Variants in SLAIN1 observed in about 807,000 individuals in gnomAD.
SLAIN1 encodes SLAIN motif-containing protein 1.
Under a neutral mutation model 55.4 loss-of-function variants are expected in SLAIN1, and 17 were observed. The ratio of observed to expected loss-of-function variants is 0.31; its 90% confidence interval spans 0.21 to 0.46. The LOEUF is 0.46. SLAIN1 is among the 20% of genes least tolerant of loss of function. The pLI is 1.00. For missense variants in SLAIN1, 682 were observed against 785.1 expected (o/e 0.87, Z 1.57); for synonymous variants, 348 against 337.4 (o/e 1.03, Z -0.35).
rs529613673 is a variant in SLAIN1, at chr13:77,753,194, C to A, written c.1259-9C>A. ...CTGTCATTTTTAACTTAGTAAAATT[C>A]TTTTCCAGATAAGCTCCGAAGAAGT... is the stretch of plus-strand genomic sequence containing the variant. On this transcript the variant is annotated splice_polypyrimidine_tract_variant and intron_variant, in intron 4 of 6. Transcript: ENST00000418532. 32 of 1,568,684 alleles carry A rather than the reference C, an allele frequency of 2.0e-5. No homozygotes were observed. The highest frequency in any genetic ancestry group is 1.9e-4 in the South Asian group (16 of 82,756).
chr13:77,712,842 G>A (rs967687978), intron 1 of SLAIN1, among the ~76,000 whole-genome samples: 1 of 152,106 alleles, frequency 6.6e-6, no homozygotes, highest in Admixed American at 6.6e-5. Flanking sequence ...AAACAGCATG[G>A]TACTGGTACC....
chr13:77,744,900 A>G (rs1249091971), intron 3 of SLAIN1, among the ~76,000 whole-genome samples: 2 of 152,140 alleles, frequency 1.3e-5, no homozygotes, highest in South Asian at 2.1e-4. Context: ...TAACTCATCA[A>G]TAAAGAGGAA....
chr13:77,752,466 C>G (rs985847277), intron 4 of SLAIN1, among the ~76,000 whole-genome samples: 5 of 151,934 alleles, frequency 3.3e-5, no homozygotes, highest in African/African-American at 1.2e-4. Context: ...GTTTCGTTCT[C>G]CTTTAACACA....
At chr13:77,739,615 TAAC>T (rs1873309442) in intron 2 of SLAIN1, among the ~76,000 whole-genome samples, 1 of 152,114 alleles carries the variant, frequency 6.6e-6, no homozygotes. Context: ...CATGTCTATT[TAAC>T]AACAATTTGA....
intron 4 of SLAIN1, among the ~76,000 whole-genome samples, 194 bp downstream of exon 4, chr13:77,747,049 T>G (rs1326641252): frequency 2.0e-5 from 3 of 152,026 alleles, no homozygotes; most frequent in African/African-American, 7.2e-5. Flanking sequence ...GCCTCAGCCT[T>G]CCAAGTAGCC....
chr13:77,756,751 C>T (rs1874636452), intron 5 of SLAIN1, among the ~76,000 whole-genome samples: 1 of 152,042 alleles, frequency 6.6e-6, no homozygotes, highest in South Asian at 2.1e-4. Flanking sequence ...GTGAATCTCA[C>T]AGACAAAGTG....
At chr13:77,699,277 A>G (rs1395699171) in intron 1 of SLAIN1, 1 of 330,886 alleles carries the variant, frequency 3.0e-6, no homozygotes, top group Non-Finnish European at 5.5e-6. Flanking sequence ...GAACCAACGA[A>G]CTGTCTTTAA....
rs1433544496 is a variant in SLAIN1, at chr13:77,763,859, T to C, written c.*639T>C. The C allele has an allele frequency of 6.6e-6, 1 of 152,642 alleles. No individual in the cohort carries two copies. Among genetic ancestry groups the C allele is most frequent in the African/African-American group, 2.4e-5 (1 of 41,454 alleles). The allele number at this position is 152,642 out of a possible 1,614,324, so 9.5% of individuals were successfully genotyped here. A position where few individuals can be genotyped will look rare whatever the true frequency, so the allele number is the denominator to read the frequency against. Reference sequence around the variant, plus strand: ...TTTGTGTTGAATGAGCACAACATAATTTGAAGCATTGCAAGGAGATAACCA... The same window carrying C: ...TTTGTGTTGAATGAGCACAACATAACTTGAAGCATTGCAAGGAGATAACCA... On this transcript the variant is annotated 3_prime_UTR_variant, in exon 7 of 7. Coordinates refer to ENST00000418532, the MANE Select transcript of SLAIN1 (RefSeq NM_001242868.2).
chr13:77,762,651 C>T (rs549031947), intron 6 of SLAIN1, among the ~76,000 whole-genome samples: 7 of 152,282 alleles, frequency 4.6e-5, no homozygotes, highest in South Asian at 2.1e-4. Flanking sequence ...CCTCCTGCCT[C>T]GGCCTCCCAA....
At chr13:77,758,389 A>G (rs1041975292) in intron 5 of SLAIN1, among the ~76,000 whole-genome samples, 2 of 151,734 alleles carry the variant, frequency 1.3e-5, no homozygotes, top group Non-Finnish European at 2.9e-5. Flanking sequence ...CTGTTTACTC[A>G]CTGATTATTT....
At chr13:77,720,635 G>A (rs1450345993) in intron 2 of SLAIN1, among the ~76,000 whole-genome samples, 2 of 152,142 alleles carry the variant, frequency 1.3e-5, no homozygotes, top group African/African-American at 4.8e-5. Context: ...CTTATTCAGT[G>A]TAACTGAACT....
At chr13:77,712,223 A>G (rs2091158834) in intron 1 of SLAIN1, among the ~76,000 whole-genome samples, 1 of 152,220 alleles carries the variant, frequency 6.6e-6, no homozygotes, top group African/African-American at 2.4e-5. Context: ...GGCCAGGGCA[A>G]TCAGACAAGA....
intron 4 of SLAIN1, among the ~76,000 whole-genome samples, chr13:77,747,433 G>A (rs867954057): frequency 1.3e-5 from 2 of 152,086 alleles, no homozygotes; most frequent in Non-Finnish European, 2.9e-5. Context: ...ATAAATGTGC[G>A]GCATCTCTGC....
chr13:77,734,611 C>T (rs574747834), intron 2 of SLAIN1, among the ~76,000 whole-genome samples: 5 of 152,196 alleles, frequency 3.3e-5, no homozygotes, highest in South Asian at 4.1e-4. Context: ...TGTAAGAAGC[C>T]GGCCCATTGT....
At chr13:77,737,201 A>G (rs956837174) in intron 2 of SLAIN1, among the ~76,000 whole-genome samples, 1 of 151,904 alleles carries the variant, frequency 6.6e-6, no homozygotes, top group Non-Finnish European at 1.5e-5. Flanking sequence ...CACTCCCTAT[A>G]TTCATTGGGT....
At chr13:77,752,512 A>G (rs529122994) in intron 4 of SLAIN1, among the ~76,000 whole-genome samples, 1 of 152,284 alleles carries the variant, frequency 6.6e-6, no homozygotes, top group South Asian at 2.1e-4. Context: ...GGACAGAACT[A>G]ACAGGATAAA....
In SLAIN1 at chr13:77,753,247, A is replaced by G; in HGVS notation, c.1303A>G (p.Thr435Ala). The G allele has an allele frequency of 6.2e-7, 1 of 1,612,980 alleles. No homozygotes were observed. Among genetic ancestry groups the G allele is most frequent in the African/African-American group, 1.3e-5 (1 of 74,984 alleles). ...GCCTAACCTAGCCCGGATGCCAAGT[A>G]CAACTGCCATTAGTAGCAACATTAG... ...SMPNLARMPSTTAISSNISSP... is the reference protein window; with the variant it reads ...SMPNLARMPSATAISSNISSP... Residue 435 changes from threonine to alanine, a missense_variant, in exon 5 of 7, where the codon ACA (threonine) becomes GCA (alanine). Coordinates refer to ENST00000418532, the MANE Select transcript of SLAIN1 (RefSeq NM_001242868.2).
chr13:77,698,101 C>A lies in SLAIN1; in HGVS notation c.188C>A (p.Pro63Gln), dbSNP rs1394260288. Reference sequence around the variant, plus strand: ...GCCGCCCCGCACCTGCTGCTGCTGCCGCCGCCGCCGCCCGCCGCGCCGCCC... The same window carrying A: ...GCCGCCCCGCACCTGCTGCTGCTGCAGCCGCCGCCGCCCGCCGCGCCGCCC... ...AAAAPHLLLL[P>Q]PPPPAAPPPA... Residue 63 changes from proline (P) to glutamine (Q), a missense_variant, in exon 1 of 7, where the codon CCG becomes CAG. Around this residue, in one of 3 missense-constraint regions of SLAIN1, gnomAD observed 401 missense variants for 417.3 expected, o/e 0.96. Transcript: ENST00000418532. This position sits in a 1 kb window ranked among gnomAD's most constrained non-coding sequence, Gnocchi z 4.1. 2.8e-6 allele frequency: 3 copies of A among 1,074,386 alleles called. No homozygotes were observed. The highest frequency in any genetic ancestry group is 6.2e-5 in the Admixed American group (1 of 16,080). The allele number at this position is 1,074,386 out of a possible 1,614,324, so 66.6% of individuals were successfully genotyped here.
In SLAIN1 at chr13:77,753,235, C is replaced by T. The variant is rs148953050; in HGVS notation, c.1291C>T (p.Arg431Trp). ...CCGAAGAAGTATGCCTAACCTAGCC[C>T]GGATGCCAAGTACAACTGCCATTAG... Reference protein sequence around the residue: ...KLRRSMPNLARMPSTTAISSN... With the variant: ...KLRRSMPNLAWMPSTTAISSN... The change falls in exon 5 of 7, where the codon CGG (arginine) becomes TGG (tryptophan). Residue 431 changes from arginine (R) to tryptophan (W), a missense_variant. Transcript: ENST00000418532. The T allele has an allele frequency of 6.1e-5, 98 of 1,610,856 alleles. No individual in the cohort carries two copies. The highest frequency in any genetic ancestry group is 2.0e-4 in the Admixed American group (12 of 59,202).
Sources: gnomAD v4.1 joint callset for allele counts (sites outside exome capture counted in the v4.1 genomes callset) on GRCh38, gnomAD v4.1.1 for gene constraint, gnomAD v4.1.1 regional missense constraint, Gnocchi (gnomAD v3.1) non-coding constraint, MANE v1.5 for transcripts, NCBI Gene and HGNC (gene_info 2026-07-23, HGNC 2026-07-21) for gene names.